FHIT: variants seen among roughly 807,000 people sequenced by gnomAD.
FHIT encodes the protein fragile histidine triad diadenosine triphosphatase.
A neutral mutation model predicts 17.9 loss-of-function variants in FHIT; 19 were observed. The observed-to-expected ratio is 1.06, with a 90% CI of 0.74 to 1.56. FHIT has a LOEUF of 1.56. Among genes scored for constraint, FHIT ranks in the 40% most tolerant of loss-of-function variants. The pLI is 0.00. For synonymous variants in FHIT, 81 were observed against 69.7 expected, an observed-to-expected ratio of 1.16 and a Z score of -0.81; for missense variants, 248 against 189.2, an observed-to-expected ratio of 1.31 and a Z score of -1.82.
At chr3:61,172,688 T>C (rs1017793586) in intron 2 of FHIT, among the ~76,000 whole-genome samples, 1 of 152,190 alleles carries the variant, frequency 6.6e-6, no homozygotes, top group African/African-American at 2.4e-5. Context: ...CCAAACACTT[T>C]CTGTGAGTTA....
At chr3:60,464,551 CT>C (rs1559936133) in intron 5 of FHIT, among the ~76,000 whole-genome samples, 1 of 151,976 alleles carries the variant, frequency 6.6e-6, no homozygotes, top group Non-Finnish European at 1.5e-5. Context: ...TCTACTCTCT[CT>C]TTCCGTGAGC....
chr3:60,179,716 A>G (rs1701838674), intron 5 of FHIT, among the ~76,000 whole-genome samples: 1 of 152,190 alleles, frequency 6.6e-6, no homozygotes, highest in Non-Finnish European at 1.5e-5. Context: ...TTCAGGTTTA[A>G]GAAATCCAAG....
At chr3:61,178,864 T>A (rs2038236383) in intron 2 of FHIT, among the ~76,000 whole-genome samples, 2 of 152,074 alleles carry the variant, frequency 1.3e-5, no homozygotes, top group African/African-American at 4.8e-5. Flanking sequence ...ACACCAATTT[T>A]TTCCCCAACA....
chr3:59,972,002 C>T (rs536349298), intron 7 of FHIT, among the ~76,000 whole-genome samples: 1 of 152,128 alleles, frequency 6.6e-6, no homozygotes, highest in African/African-American at 2.4e-5. Context: ...TGCAGACATG[C>T]CTTGCTCCAT....
At chr3:60,929,177 ACT>A (rs1490251440) in intron 3 of FHIT, among the ~76,000 whole-genome samples, 3 of 152,208 alleles carry the variant, frequency 2.0e-5, no homozygotes, top group African/African-American at 7.2e-5. Flanking sequence ...CATGCTAAAA[ACT>A]CTCAATAAAT....
intron 8 of FHIT, among the ~76,000 whole-genome samples, chr3:59,756,448 A>G (rs1349512007): frequency 6.6e-6 from 1 of 152,140 alleles, no homozygotes; most frequent in Non-Finnish European, 1.5e-5. Flanking sequence ...GGTCAAAGGT[A>G]GTCAATACCC....
At chr3:60,004,703 G>T (rs575492412) in intron 7 of FHIT, among the ~76,000 whole-genome samples, 1 of 152,242 alleles carries the variant, frequency 6.6e-6, no homozygotes, top group Middle Eastern at 3.4e-3. Context: ...GATAGGCTTG[G>T]GTTTGAATCC....
intron 2 of FHIT, among the ~76,000 whole-genome samples, chr3:61,064,772 T>C (rs1261291965): frequency 2.0e-5 from 3 of 152,130 alleles, no homozygotes; most frequent in South Asian, 2.1e-4. Flanking sequence ...AAGGACTAAA[T>C]TGCTCTCACA....
intron 1 of FHIT, among the ~76,000 whole-genome samples, chr3:61,205,562 C>G (rs1476456580): frequency 6.6e-6 from 1 of 152,182 alleles, no homozygotes; most frequent in Non-Finnish European, 1.5e-5. Flanking sequence ...TTGCATGTCT[C>G]TGATGGCCAG....
At chr3:60,700,951 T>A (rs1483426998) in intron 4 of FHIT, among the ~76,000 whole-genome samples, 1 of 152,056 alleles carries the variant, frequency 6.6e-6, no homozygotes, top group Non-Finnish European at 1.5e-5. Context: ...AATTCCTATT[T>A]TTCTAAAATT....
chr3:59,805,858 C>G (rs1700173791), intron 8 of FHIT, among the ~76,000 whole-genome samples: 1 of 152,142 alleles, frequency 6.6e-6, no homozygotes, highest in African/African-American at 2.4e-5. Context: ...GACACTACTT[C>G]TCTCCCCTCT....
intron 4 of FHIT, among the ~76,000 whole-genome samples, chr3:60,650,833 A>T (rs2039973037): frequency 6.6e-6 from 1 of 152,198 alleles, no homozygotes; most frequent in South Asian, 2.1e-4. Context: ...GTTACTAGAA[A>T]ACATCTGAAA....
chr3:60,353,892 CT>C (rs1285361513), intron 5 of FHIT, among the ~76,000 whole-genome samples: 3 of 151,998 alleles, frequency 2.0e-5, no homozygotes, highest in African/African-American at 7.2e-5. Context: ...CAGCTGATAG[CT>C]TTTTTAGAGA....
intron 4 of FHIT, among the ~76,000 whole-genome samples, chr3:60,586,037 C>G (rs2037894672): frequency 6.6e-6 from 1 of 151,656 alleles, no homozygotes; most frequent in Non-Finnish European, 1.5e-5. Context: ...ACTAGTATCC[C>G]ACGAAGCACA....
chr3:60,572,325 ATTCTTTC>A (rs2037412667), intron 4 of FHIT, among the ~76,000 whole-genome samples: 1 of 150,616 alleles, frequency 6.6e-6, no homozygotes, highest in African/African-American at 2.5e-5. Context: ...CATATATATA[ATTCTTTC>A]TTTTTAATTA....
chr3:60,248,100 A>G (rs1705497673), intron 5 of FHIT, among the ~76,000 whole-genome samples: 1 of 152,134 alleles, frequency 6.6e-6, no homozygotes, highest in Non-Finnish European at 1.5e-5. Flanking sequence ...TCTTCAGTGC[A>G]TTGCTCTTCA....
At chr3:59,945,892 T>C (rs548129087) in intron 7 of FHIT, among the ~76,000 whole-genome samples, 12 of 152,334 alleles carry the variant, frequency 7.9e-5, no homozygotes, top group Middle Eastern at 3.4e-3. Context: ...TCTGTGAGTC[T>C]GGTTTTGTAC....
intron 5 of FHIT, among the ~76,000 whole-genome samples, chr3:60,083,862 C>T (rs1703390161): frequency 6.6e-6 from 1 of 152,204 alleles, no homozygotes; most frequent in Admixed American, 6.5e-5. Flanking sequence ...AACCCCAGCT[C>T]AAATCATCCT....
intron 4 of FHIT, among the ~76,000 whole-genome samples, chr3:60,572,920 C>T (rs1445548238): frequency 6.6e-6 from 1 of 152,148 alleles, no homozygotes; most frequent in Admixed American, 6.6e-5. Context: ...CTGCTAAATG[C>T]TCAACATACA....
Sources: gnomAD v4.1 joint callset for allele counts (sites outside exome capture counted in the v4.1 genomes callset) on GRCh38, gnomAD v4.1.1 for gene constraint, MANE v1.5 for transcripts, NCBI Gene and HGNC (gene_info 2026-07-23, HGNC 2026-07-21) for gene names.